Variants in CDC25A observed in about 807,000 individuals in gnomAD.
The protein encoded by CDC25A is M-phase inducer phosphatase 1.
In CDC25A, 17 loss-of-function variants were observed where a neutral mutation model predicts 64.6. The ratio of observed to expected loss-of-function variants is 0.26; its 90% CI spans 0.18 to 0.39. CDC25A has a LOEUF of 0.39. Ranked by LOEUF, CDC25A falls within the 10% of genes least tolerant of loss-of-function variation. The pLI, the probability that CDC25A is intolerant of heterozygous loss-of-function variation, is 1.00. For missense variants in CDC25A, 473 were observed against 654.8 expected (o/e 0.72, Z 3.03); for synonymous variants, 229 against 238.6 (o/e 0.96, Z 0.37).
rs2032930077 is a variant in CDC25A at position 48,188,379 on chromosome 3, C to T, written c.-432G>A. On this transcript the variant is annotated 5_prime_UTR_variant, in exon 1 of 15. Coordinates refer to ENST00000302506, the MANE Select transcript of CDC25A (RefSeq NM_001789.3). Reference sequence around the variant, plus strand: ...GACCTACACCTCTTACCCAGGCTGTCGCAGCCAGGCCGGCCTTTCGCGGTA... The same window carrying T: ...GACCTACACCTCTTACCCAGGCTGTTGCAGCCAGGCCGGCCTTTCGCGGTA... 1 of 159,600 alleles carries T rather than the reference C, an allele frequency of 6.3e-6. No individual in the cohort carries two copies. The highest frequency in any genetic ancestry group is 2.0e-4 in the South Asian group (1 of 4,920). 9.9% of individuals were successfully genotyped at this position (159,600 alleles called of 1,614,324 possible). A position where few individuals can be genotyped will look rare whatever the true frequency, so the allele number is the denominator to read the frequency against.
intron 9 of CDC25A, 133 bp downstream of exon 9, chr3:48,174,151 C>CA: frequency 1.4e-6 from 1 of 708,084 alleles, no homozygotes; most frequent in Non-Finnish European, 2.3e-6. Flanking sequence ...ACACACACAC[C>CA]CACACACACA....
rs6771386 is a variant in CDC25A at position 48,180,726 on chromosome 3, G to A, written c.544C>T (p.Arg182Trp). Residue 182 changes from arginine to tryptophan, a missense_variant, in exon 6 of 15, where the codon CGG becomes TGG. This residue lies in a region of CDC25A where 376 missense variants were observed against 431.9 expected (regional missense o/e 0.87). Transcript: ENST00000302506. The part of the protein sequence containing the change: ...FTQRQNSAPA[R>W]MLSSNERDSS... ...ATGAAAGCCAGAGCACATACCATCCGAGCTGGGGCAGAGTTCTGCCTCTGT... is the reference window on the plus strand; with the variant it reads ...ATGAAAGCCAGAGCACATACCATCCAAGCTGGGGCAGAGTTCTGCCTCTGT... 1,061 of 1,614,016 alleles carry A rather than the reference G, an allele frequency of 6.6e-4. 8 individuals carry two copies. In the African/African-American group the frequency reaches 0.012, roughly 19 times the overall value.
chr3:48,181,861 T>C (rs2032683573), intron 5 of CDC25A: 1 of 547,018 alleles, frequency 1.8e-6, no homozygotes. Context: ...CTAAGTACTT[T>C]CTGTGCATTA....
intron 8 of CDC25A, among the ~76,000 whole-genome samples, chr3:48,175,112 T>G (rs1212156330): frequency 6.6e-6 from 1 of 152,040 alleles, no homozygotes; most frequent in African/African-American, 2.4e-5. Context: ...CTGGCCAACA[T>G]GAAGAAACCC....
At chr3:48,164,833 C>T (rs896065946) in intron 12 of CDC25A, among the ~76,000 whole-genome samples, 2 of 151,832 alleles carry the variant, frequency 1.3e-5, no homozygotes, top group African/African-American at 2.4e-5. Flanking sequence ...GCAGGCCAGG[C>T]GCCGTGGCTC....
intron 10 of CDC25A, among the ~76,000 whole-genome samples, chr3:48,166,413 C>T (rs183271563): frequency 7.2e-5 from 11 of 152,344 alleles, no homozygotes; most frequent in Admixed American, 5.9e-4. Context: ...CCATTTTGAG[C>T]ACCTTATCCA....
At chr3:48,174,531 G>A (rs1173183674) in intron 8 of CDC25A, 74 bp from the exon 9 acceptor site, 55 of 1,418,636 alleles carry the variant, frequency 3.9e-5, no homozygotes, top group South Asian at 2.2e-4. Flanking sequence ...CAAATAAACC[G>A]AAGGTTTCCT....
rs2031568199 is a variant in CDC25A at position 48,157,497 on chromosome 3, G to C, written c.*1448C>G. On this transcript the variant is annotated 3_prime_UTR_variant, in exon 15 of 15. Transcript: ENST00000302506. ...GGTAAGAGGGGAGAGACTGTCTCCTGTTTAAGAAAAACCCACCTACACCTC... is the reference window on the plus strand; with the variant it reads ...GGTAAGAGGGGAGAGACTGTCTCCTCTTTAAGAAAAACCCACCTACACCTC... 1 of 152,590 alleles carries C rather than the reference G, an allele frequency of 6.6e-6. No homozygotes were observed. The highest frequency in any genetic ancestry group is 2.1e-4 in the South Asian group (1 of 4,828). The allele number at this position is 152,590 out of a possible 1,614,324, so 9.5% of individuals were successfully genotyped here.
intron 9 of CDC25A, among the ~76,000 whole-genome samples, chr3:48,172,948 A>G (rs9831531): frequency 0.28 from 43,038 of 152,084 alleles, 6,461 homozygotes; most frequent in African/African-American, 0.31. Flanking sequence ...GGCTGGGCGC[A>G]GTGGCTCACG....
rs2032918587 is a variant in CDC25A at position 48,188,130 on chromosome 3, G to A, written c.-183C>T. On this transcript the variant is annotated 5_prime_UTR_variant, in exon 1 of 15. Coordinates refer to ENST00000302506, the MANE Select transcript of CDC25A (RefSeq NM_001789.3). ...AGCGGCGCGGCCGGGCGGGTGTGCG[G>A]ACCCTCCAGGCGCCAGCCACCAGCC... 1 of 412,868 alleles carries A rather than the reference G, an allele frequency of 2.4e-6. No homozygotes were observed. Among genetic ancestry groups the A allele is most frequent in the Non-Finnish European group, 4.0e-6 (1 of 250,648 alleles). 25.6% of individuals were successfully genotyped at this position (412,868 alleles called of 1,614,324 possible). A position where few individuals can be genotyped will look rare whatever the true frequency, so the allele number is the denominator to read the frequency against.
chr3:48,183,594 T>C (rs2032745102), intron 4 of CDC25A, among the ~76,000 whole-genome samples: 1 of 152,126 alleles, frequency 6.6e-6, no homozygotes, highest in Non-Finnish European at 1.5e-5. Context: ...GGTGGGAGGA[T>C]CACTTGAGCC....
chr3:48,166,661 T>A (rs1210275748), intron 10 of CDC25A, among the ~76,000 whole-genome samples: 1 of 152,196 alleles, frequency 6.6e-6, no homozygotes, highest in Non-Finnish European at 1.5e-5. Flanking sequence ...TAGCAATTAC[T>A]CATTAGGGTG....
intron 5 of CDC25A, chr3:48,181,830 G>C: frequency 3.3e-6 from 2 of 604,802 alleles, no homozygotes; most frequent in Non-Finnish European, 2.9e-6. Flanking sequence ...ATATTACAGT[G>C]ATTTCTATGC....
chr3:48,173,137 G>A (rs1311877209), intron 9 of CDC25A, among the ~76,000 whole-genome samples: 1 of 148,418 alleles, frequency 6.7e-6, no homozygotes, highest in Non-Finnish European at 1.5e-5. Context: ...AGAATGGCAT[G>A]AACCCGGGAG....
chr3:48,183,780 T>G lies in CDC25A; in HGVS notation c.327+20A>C. The G allele has an allele frequency of 6.5e-7, 1 of 1,530,100 alleles. No individual in the cohort carries two copies. The highest frequency in any genetic ancestry group is 9.1e-7 in the Non-Finnish European group (1 of 1,104,626). 94.8% of individuals were successfully genotyped at this position (1,530,100 alleles called of 1,614,324 possible). ...ACAGATAACAGGTATTAGCTCAAAA[T>G]AAACAAGGAACTAACTTACAGGTAG... is the stretch of plus-strand genomic sequence containing the variant. On this transcript the variant is annotated intron_variant, in intron 4 of 14. Coordinates refer to ENST00000302506, the MANE Select transcript of CDC25A (RefSeq NM_001789.3).
rs373023348 is a variant in CDC25A at position 48,180,680 on chromosome 3, C to T, written c.549+41G>A. Reference sequence around the variant, plus strand: ...ATGAAAGAAGGTGTTTTAATCCTTTCTTCCTGTCAGGAATTCCCCTATGAA... The same window carrying T: ...ATGAAAGAAGGTGTTTTAATCCTTTTTTCCTGTCAGGAATTCCCCTATGAA... On this transcript the variant is annotated intron_variant, in intron 6 of 14. Transcript: ENST00000302506. 9 of 1,607,624 alleles carry T rather than the reference C, an allele frequency of 5.6e-6. No homozygotes were observed. In the African/African-American group the frequency reaches 9.4e-5, roughly 17 times the overall value.
At chr3:48,177,762 C>CA in intron 7 of CDC25A, 92 bp downstream of exon 7, 2 of 1,438,834 alleles carry the variant, frequency 1.4e-6, no homozygotes, top group Non-Finnish European at 2.0e-6. Context: ...CCCCGGGGAA[C>CA]TGCTGTTGCT....
rs745824762 is a variant in CDC25A at position 48,165,631 on chromosome 3, C to T, written c.1191+5G>A. Reference sequence around the variant, plus strand: ...CCTTCTACAGCAAGTCTCAGGAATCCATACCTTGATGTGGCCTCCCTCGTA... The same window carrying T: ...CCTTCTACAGCAAGTCTCAGGAATCTATACCTTGATGTGGCCTCCCTCGTA... On this transcript the variant is annotated splice_donor_5th_base_variant and intron_variant, in intron 12 of 14. Transcript: ENST00000302506. 6.3e-7 allele frequency: 1 copy of T among 1,599,334 alleles called. No homozygotes were observed. Among genetic ancestry groups the T allele is most frequent in the Non-Finnish European group, 8.6e-7 (1 of 1,166,686 alleles).
intron 6 of CDC25A, chr3:48,180,464 G>A (rs1345104968): frequency 8.1e-6 from 3 of 371,088 alleles, no homozygotes; most frequent in Non-Finnish European, 1.5e-5. Context: ...GGATGACCCA[G>A]GATTTCCCAG....
Sources: gnomAD v4.1 joint callset for allele counts (sites outside exome capture counted in the v4.1 genomes callset) on GRCh38, gnomAD v4.1.1 for gene constraint, gnomAD v4.1.1 regional missense constraint, MANE v1.5 for transcripts, NCBI Gene and HGNC (gene_info 2026-07-23, HGNC 2026-07-21) for gene names.